Variants in LARP4B observed in about 807,000 individuals in gnomAD.
LARP4B encodes the protein la-related protein 4B.
A neutral mutation model predicts 89.8 loss-of-function variants in LARP4B; 12 were observed. The ratio of observed to expected loss-of-function variants is 0.13; its 90% CI spans 0.09 to 0.22. The LOEUF is 0.22. LARP4B is among the 10% of genes least tolerant of loss of function. LARP4B has a pLI of 1.00. For missense variants in LARP4B, 757 were observed against 947.7 expected (o/e 0.80, Z 2.64); for synonymous variants, 367 against 363.3 (o/e 1.01, Z -0.12).
At chr10:829,271 T>C (rs1832774999) in intron 11 of LARP4B, 114 bp downstream of exon 11, 1 of 861,428 alleles carries the variant, frequency 1.2e-6, no homozygotes, top group Admixed American at 3.1e-5. Context: ...GAAGGTCTGT[T>C]TTAGTATGTC....
chr10:907,748 C>G (rs768623371), intron 1 of LARP4B, among the ~76,000 whole-genome samples: 3 of 152,086 alleles, frequency 2.0e-5, no homozygotes, highest in Admixed American at 6.6e-5. Context: ...GCTGGCAGTC[C>G]TAAGGTGTTT....
At chr10:860,950 A>T (rs918576964) in intron 5 of LARP4B, among the ~76,000 whole-genome samples, 2 of 152,104 alleles carry the variant, frequency 1.3e-5, no homozygotes, top group East Asian at 3.9e-4. Flanking sequence ...AGGTCGGGAG[A>T]TCAAGACCAT....
intron 1 of LARP4B, among the ~76,000 whole-genome samples, chr10:890,417 A>G (rs187734884): frequency 2.2e-4 from 34 of 152,370 alleles, no homozygotes; most frequent in African/African-American, 7.9e-4. Flanking sequence ...TTTAACAGAT[A>G]TATTTCATTT....
the LARP4B span, among the ~76,000 whole-genome samples, chr10:959,268 G>A: frequency 2.2e-4 from 34 of 152,226 alleles, no homozygotes; most frequent in African/African-American, 7.7e-4. Flanking sequence ...CTGCTGGGAA[G>A]GGAAATTTGG....
Position 869,356 on chromosome 10 carries a change from G to A in LARP4B, c.142-5086C>T, listed in dbSNP as rs975431788. On this transcript the variant is annotated intron_variant, in intron 3 of 17. Transcript: ENST00000316157. The stretch of plus-strand genomic sequence containing the variant: ...CCTCAAAGGGCTCTGACAACACTGC[G>A]GCCAGGAAGACAGAAGAGCTGGCAA... Among the ~76,000 whole-genome samples, 11 of 152,098 alleles carry A rather than the reference G, an allele frequency of 7.2e-5. No individual in the cohort carries two copies. The East Asian group carries it at 1.5e-3, about 21-fold the overall frequency.
Position 842,932 on chromosome 10 carries a change from A to C in LARP4B, c.646T>G (p.Ser216Ala). 6.2e-7 allele frequency: 1 copy of C among 1,613,658 alleles called. No homozygotes were observed. The highest frequency in any genetic ancestry group is 1.1e-5 in the South Asian group (1 of 90,912). ...TTAATTTAAATTGTCATTTACTTAC[A>C]TCTTAGCACTTCCACAATCAAGTCC... is the stretch of plus-strand genomic sequence containing the variant. ...DVDLIVEVLR[S>A]LPLVQVDEKG... is the part of the protein sequence containing the mutation. Residue 216 changes from serine to alanine, a missense_variant and splice_region_variant, in exon 7 of 18, where the codon TCT becomes GCT. Physicochemically the swap from Ser to Ala is moderately conservative, Grantham distance 99. This residue lies in a region of LARP4B where 54 missense variants were observed against 96.0 expected (regional missense o/e 0.56). Transcript: ENST00000316157.
chr10:874,803 C>A (rs904831874), intron 3 of LARP4B, among the ~76,000 whole-genome samples: 6 of 152,026 alleles, frequency 3.9e-5, no homozygotes, highest in African/African-American at 9.7e-5. Flanking sequence ...GTAACAAGAA[C>A]ACTTATGAAT....
intron 5 of LARP4B, among the ~76,000 whole-genome samples, chr10:849,173 A>C (rs1833923444): frequency 6.6e-6 from 1 of 152,166 alleles, no homozygotes; most frequent in Non-Finnish European, 1.5e-5. Flanking sequence ...AAAACAGAAA[A>C]AAAGGGAAAG....
intron 1 of LARP4B, among the ~76,000 whole-genome samples, chr10:908,311 C>T (rs1267550190): frequency 6.6e-6 from 1 of 152,060 alleles, no homozygotes; most frequent in Non-Finnish European, 1.5e-5. Context: ...ATGGGAGCCC[C>T]TTGCCCTTCC....
intron 8 of LARP4B, among the ~76,000 whole-genome samples, chr10:833,496 G>A (rs955270338): frequency 6.6e-6 from 1 of 152,092 alleles, no homozygotes; most frequent in Non-Finnish European, 1.5e-5. Flanking sequence ...AAATAAAGAA[G>A]AGACAAAACA....
intron 1 of LARP4B, among the ~76,000 whole-genome samples, chr10:909,706 A>G (rs1413319966): frequency 6.6e-6 from 1 of 151,718 alleles, no homozygotes; most frequent in African/African-American, 2.4e-5. Flanking sequence ...AATCACTTCA[A>G]CCTGGGAAGC....
intron 5 of LARP4B, among the ~76,000 whole-genome samples, chr10:858,204 A>T (rs1483874963): frequency 6.6e-6 from 1 of 152,200 alleles, no homozygotes; most frequent in Non-Finnish European, 1.5e-5. Context: ...TTAGACACAC[A>T]GCCCAATGCA....
chr10:945,548 C>A, the LARP4B span, among the ~76,000 whole-genome samples: 1 of 151,860 alleles, frequency 6.6e-6, no homozygotes, highest in Non-Finnish European at 1.5e-5. Context: ...ATTAGCCGGG[C>A]ATGGTGGCGG....
At chr10:934,034 G>A (rs1280234912), upstream of LARP4B, among the ~76,000 whole-genome samples, 4 of 151,672 alleles carry the variant, frequency 2.6e-5, no homozygotes, top group East Asian at 2.0e-4. Context: ...GGGTTTCACC[G>A]TGTTAGCCAG....
the LARP4B span, among the ~76,000 whole-genome samples, chr10:959,019 G>A: frequency 3.4e-4 from 52 of 152,288 alleles, no homozygotes; most frequent in African/African-American, 1.1e-3. Context: ...GAGGAAGGAC[G>A]CTCCGCCTGA....
At chr10:933,821 A>C (rs1242562627), upstream of LARP4B, among the ~76,000 whole-genome samples, 2 of 151,880 alleles carry the variant, frequency 1.3e-5, no homozygotes, top group Admixed American at 6.6e-5. Flanking sequence ...TCTGCCCCAA[A>C]ATTGGTAGGT....
chr10:829,778 T>A, intron 9 of LARP4B, 44 bp from the exon 10 acceptor site: 1 of 1,379,176 alleles, frequency 7.3e-7, no homozygotes, highest in Non-Finnish European at 1.0e-6. Flanking sequence ...ATTAACCTTA[T>A]GAATAAGAGG....
intron 1 of LARP4B, among the ~76,000 whole-genome samples, chr10:892,370 A>C (rs1836054331): frequency 6.6e-6 from 1 of 152,244 alleles, no homozygotes; most frequent in Non-Finnish European, 1.5e-5. Context: ...TAACTCTCTT[A>C]AATCAGTTTC....
At chr10:882,853 A>T (rs1488790333) in intron 3 of LARP4B, among the ~76,000 whole-genome samples, 3 of 152,176 alleles carry the variant, frequency 2.0e-5, no homozygotes, top group Admixed American at 2.0e-4. Context: ...CTAAACTGTA[A>T]ATAGCCTGGT....
Sources: allele counts gnomAD v4.1 joint callset (sites outside exome capture counted in the v4.1 genomes callset), GRCh38; gene constraint gnomAD v4.1.1; regional missense constraint gnomAD v4.1.1; transcripts MANE v1.5; gene names NCBI Gene and HGNC (gene_info 2026-07-23, HGNC 2026-07-21).